The following ZNF804A variants were observed in gnomAD, a reference collection of about 807,000 sequenced individuals.
ZNF804A encodes the protein zinc finger protein 804A.
Under a neutral mutation model 16.5 loss-of-function variants are expected in ZNF804A, and 2 were observed. The observed-to-expected ratio is 0.12, with a 90% CI of 0.05 to 0.38. The LOEUF is 0.38. Ranked by LOEUF, ZNF804A falls within the 10% of genes least tolerant of loss-of-function variation. The pLI is 0.99. For synonymous variants in ZNF804A, 534 were observed against 489.6 expected, an observed-to-expected ratio of 1.09 and a Z score of -1.20; for missense variants, 1,473 against 1,390.7, an observed-to-expected ratio of 1.06 and a Z score of -0.94.
chr2:184,661,067 T>C (rs182433313), intron 1 of ZNF804A, among the ~76,000 whole-genome samples: 70 of 152,354 alleles, frequency 4.6e-4, no homozygotes, highest in Non-Finnish European at 7.6e-4. Context: ...AATTTTATCT[T>C]TAAATGAATG....
At chr2:184,866,218 T>C (rs1695875033) in intron 1 of ZNF804A, 151 bp from the exon 2 acceptor site, 2 of 598,090 alleles carry the variant, frequency 3.3e-6, no homozygotes, top group Non-Finnish European at 5.5e-6. Flanking sequence ...TTATAATTTA[T>C]TCTAACTTGG....
intron 1 of ZNF804A, among the ~76,000 whole-genome samples, chr2:184,687,315 A>G (rs547069329): frequency 1.3e-5 from 2 of 152,320 alleles, no homozygotes; most frequent in Admixed American, 1.3e-4. Flanking sequence ...CGGCCTTGTC[A>G]AAGATCAGAA....
intron 1 of ZNF804A, among the ~76,000 whole-genome samples, chr2:184,818,810 A>C (rs968788085): frequency 6.6e-6 from 1 of 152,194 alleles, no homozygotes; most frequent in East Asian, 1.9e-4. Flanking sequence ...TAAAAAAGAC[A>C]AAGAAGGGAG....
chr2:184,734,639 C>T (rs1693579928), intron 1 of ZNF804A, among the ~76,000 whole-genome samples: 1 of 152,046 alleles, frequency 6.6e-6, no homozygotes. Flanking sequence ...AATTAGTATT[C>T]TGCTATTGTT....
At chr2:184,872,690 C>G (rs530719218) in intron 2 of ZNF804A, among the ~76,000 whole-genome samples, 38 of 152,276 alleles carry the variant, frequency 2.5e-4, no homozygotes, top group African/African-American at 8.9e-4. Flanking sequence ...TGCCCCAAAA[C>G]TGACCTCAGA....
intron 1 of ZNF804A, among the ~76,000 whole-genome samples, chr2:184,838,638 T>C (rs1464914054): frequency 2.7e-5 from 4 of 150,358 alleles, no homozygotes; most frequent in African/African-American, 1.0e-4. Context: ...TTTTAATATT[T>C]TTCTGTGTAT....
intron 1 of ZNF804A, among the ~76,000 whole-genome samples, chr2:184,853,800 A>G (rs190026535): frequency 6.9e-6 from 1 of 145,506 alleles, no homozygotes; most frequent in East Asian, 2.0e-4. Context: ...GTTTGCTAGT[A>G]CTTTATGCTG....
intron 1 of ZNF804A, among the ~76,000 whole-genome samples, chr2:184,698,140 G>T (rs908184018): frequency 6.6e-6 from 1 of 152,072 alleles, no homozygotes; most frequent in Non-Finnish European, 1.5e-5. Flanking sequence ...TCAAAATGGG[G>T]ACTGGCACCT....
rs533057395 is a variant in ZNF804A, at chr2:184,725,920, A to T, written c.111+126850A>T. On this transcript the variant is annotated intron_variant, in intron 1 of 3. Coordinates refer to ENST00000302277, the MANE Select transcript of ZNF804A (RefSeq NM_194250.2). ...TTTGAGTTAGAATTTTTCATTCAGC[A>T]TGATGTTCCTGAGATACATTTAAGG... 3.3e-5 allele frequency among the ~76,000 whole-genome samples: 5 copies of T among 151,788 alleles called. No homozygotes were observed. The South Asian group carries it at 1.0e-3, about 31-fold the overall frequency.
intron 1 of ZNF804A, among the ~76,000 whole-genome samples, chr2:184,607,799 T>C (rs1245302248): frequency 1.3e-5 from 2 of 152,148 alleles, no homozygotes; most frequent in African/African-American, 2.4e-5. Context: ...TCATGAAATA[T>C]ACAAAATATG....
Position 184,938,714 on chromosome 2 carries a change from C to T in ZNF804A, c.3318C>T (p.His1106=), listed in dbSNP as rs887483454. 2.5e-5 allele frequency: 40 copies of T among 1,612,288 alleles called. No individual in the cohort carries two copies. The Middle Eastern group carries it at 4.9e-4, about 20-fold the overall frequency. ...TTIHHTVLQQ[H]AAAAAAAAAA... is the part of the protein sequence containing the mutation. ...TCCATCACACTGTTTTGCAGCAGCA[C>T]GCTGCAGCTGCTGCAGCTGCAGCTG... Residue 1106 remains histidine (H), a synonymous_variant, in exon 4 of 4, where the codon CAC becomes CAT. Coordinates refer to ENST00000302277, the MANE Select transcript of ZNF804A (RefSeq NM_194250.2).
chr2:184,740,983 G>A (rs1424651993), intron 1 of ZNF804A, among the ~76,000 whole-genome samples: 4 of 152,140 alleles, frequency 2.6e-5, no homozygotes, highest in East Asian at 1.9e-4. Context: ...AATAGATGTC[G>A]GTTGTAAAAT....
Position 184,938,668 on chromosome 2 carries a change from G to A in ZNF804A, c.3272G>A (p.Cys1091Tyr), listed in dbSNP as rs1168146215. 9.3e-6 allele frequency: 15 copies of A among 1,613,712 alleles called. No individual in the cohort carries two copies. The highest frequency in any genetic ancestry group is 5.5e-5 in the South Asian group (5 of 91,060). The change falls in exon 4 of 4, where the codon TGT becomes TAT. Residue 1091 changes from cysteine (C) to tyrosine (Y), a missense_variant. Coordinates refer to ENST00000302277, the MANE Select transcript of ZNF804A (RefSeq NM_194250.2). ...LQPLPLQQSL[C>Y]STSVTTIHHT... The stretch of plus-strand genomic sequence containing the variant: ...CCTTTGCCTTTGCAGCAGTCCTTAT[G>A]TTCTACCTCTGTAACCACTATCCAT...
intron 1 of ZNF804A, among the ~76,000 whole-genome samples, chr2:184,612,282 A>G (rs1574131041): frequency 6.6e-6 from 1 of 152,160 alleles, no homozygotes; most frequent in African/African-American, 2.4e-5. Flanking sequence ...TGAGATCCAA[A>G]TTTTCAAACT....
At chr2:184,822,240 G>A (rs1695097384) in intron 1 of ZNF804A, among the ~76,000 whole-genome samples, 1 of 152,080 alleles carries the variant, frequency 6.6e-6, no homozygotes, top group Non-Finnish European at 1.5e-5. Flanking sequence ...GAAAAAGGAA[G>A]GAAATCATGT....
chr2:184,612,304 T>G (rs1691250603), intron 1 of ZNF804A, among the ~76,000 whole-genome samples: 1 of 152,230 alleles, frequency 6.6e-6, no homozygotes, highest in South Asian at 2.1e-4. Flanking sequence ...TATTAAAATT[T>G]AATGGAATTT....
At chr2:184,727,860 A>G in intron 1 of ZNF804A, among the ~76,000 whole-genome samples, 1 of 151,750 alleles carries the variant, frequency 6.6e-6, no homozygotes, top group Non-Finnish European at 1.5e-5. Context: ...TTGTTCTCAG[A>G]ATTTCATTTG....
chr2:184,780,225 A>G (rs754839513), intron 1 of ZNF804A, among the ~76,000 whole-genome samples: 1 of 151,836 alleles, frequency 6.6e-6, no homozygotes, highest in Non-Finnish European at 1.5e-5. Flanking sequence ...CGAAAATTTC[A>G]GCCAAAAGGC....
At chr2:184,604,233 C>T (rs1373559662) in intron 1 of ZNF804A, among the ~76,000 whole-genome samples, 1 of 128,232 alleles carries the variant, frequency 7.8e-6, no homozygotes, top group African/African-American at 2.9e-5. Flanking sequence ...TGCAATGGCG[C>T]CATCTCGGCT....
Sources: gnomAD v4.1 joint callset for allele counts (sites outside exome capture counted in the v4.1 genomes callset) on GRCh38, gnomAD v4.1.1 for gene constraint, MANE v1.5 for transcripts, NCBI Gene and HGNC (gene_info 2026-07-23, HGNC 2026-07-21) for gene names.